Variants in PRKCA observed in about 807,000 individuals in gnomAD.
PRKCA encodes the protein protein kinase C alpha, also known as protein kinase C alpha type.
A neutral mutation model predicts 87.0 loss-of-function variants in PRKCA; 27 were observed. The ratio of observed to expected loss-of-function variants is 0.31; its 90% CI spans 0.23 to 0.43. The LOEUF is 0.43. Among genes scored for constraint, PRKCA ranks in the 20% least tolerant of loss-of-function variants. The pLI is 1.00. For missense variants in PRKCA, 518 were observed against 852.3 expected, an observed-to-expected ratio of 0.61 and a Z score of 4.88; for synonymous variants, 329 against 311.1, an observed-to-expected ratio of 1.06 and a Z score of -0.61.
chr17:66,774,827 A>G (rs903979553), intron 14 of PRKCA: 6 of 985,400 alleles, frequency 6.1e-6, no homozygotes, highest in African/African-American at 5.2e-5. Flanking sequence ...ATCTCCTCCT[A>G]TCTCACCCTT....
At chr17:66,564,830 A>G (rs1438037156) in intron 3 of PRKCA, among the ~76,000 whole-genome samples, 3 of 152,096 alleles carry the variant, frequency 2.0e-5, no homozygotes, top group Non-Finnish European at 4.4e-5. Flanking sequence ...AAATACAAAA[A>G]TTAGCCGGAC....
chr17:66,504,942 G>A (rs58769090), intron 3 of PRKCA, among the ~76,000 whole-genome samples: 1 of 152,154 alleles, frequency 6.6e-6, no homozygotes, highest in South Asian at 2.1e-4. Flanking sequence ...GTCCTGTCGG[G>A]ACCCCCCTCC....
rs375907563 is a variant in PRKCA, at chr17:66,341,771, T to C, written c.205+35644T>C. Among the ~76,000 whole-genome samples, 15 of 152,370 alleles carry C rather than the reference T, an allele frequency of 9.8e-5. No individual in the cohort carries two copies. The East Asian group carries it at 2.7e-3, about 27-fold the overall frequency. ...TTTACCCTGGTTATCTTTAGAATACTGTTTCTCTTTCATTTATGTGAATAA... is the reference window on the plus strand; with the variant it reads ...TTTACCCTGGTTATCTTTAGAATACCGTTTCTCTTTCATTTATGTGAATAA... On this transcript the variant is annotated intron_variant, in intron 2 of 16. Coordinates refer to ENST00000413366, the MANE Select transcript of PRKCA (RefSeq NM_002737.3).
At chr17:66,449,646 C>G (rs925650321) in intron 2 of PRKCA, among the ~76,000 whole-genome samples, 1 of 152,130 alleles carries the variant, frequency 6.6e-6, no homozygotes, top group Non-Finnish European at 1.5e-5. Flanking sequence ...TGAAGCTGTT[C>G]CTTCTATGAG....
At chr17:66,605,990 C>A (rs1030144654) in intron 3 of PRKCA, among the ~76,000 whole-genome samples, 4 of 152,108 alleles carry the variant, frequency 2.6e-5, no homozygotes, top group Non-Finnish European at 4.4e-5. Flanking sequence ...TTTGAGATGA[C>A]AAATTGTGAT....
chr17:66,585,483 C>T (rs1969565201), intron 3 of PRKCA, among the ~76,000 whole-genome samples: 1 of 152,244 alleles, frequency 6.6e-6, no homozygotes, highest in Non-Finnish European at 1.5e-5. Context: ...CCCTCGCTAA[C>T]TGCCTAAATA....
intron 2 of PRKCA, among the ~76,000 whole-genome samples, chr17:66,374,796 T>C (rs1160455117): frequency 3.3e-5 from 5 of 151,240 alleles, no homozygotes; most frequent in Non-Finnish European, 7.4e-5. Flanking sequence ...GGCTTGATCT[T>C]GGCTCACTGC....
rs544548261 is a variant in PRKCA, at chr17:66,512,506, C to T, written c.288+16223C>T. On this transcript the variant is annotated intron_variant, in intron 3 of 16. Transcript: ENST00000413366. ...TGTGTGTGTGTATTTCTTTCTTTCC[C>T]TTGGTCCACAAGGCCCATCATGATT... 7.2e-3 allele frequency among the ~76,000 whole-genome samples: 982 copies of T among 135,698 alleles called. 17 individuals are homozygous for T. The highest frequency in any genetic ancestry group is 0.024 in the African/African-American group (855 of 35,860). 89.0% of individuals were successfully genotyped at this position (135,698 alleles called of 152,430 possible). A position where few individuals can be genotyped will look rare whatever the true frequency, so the allele number is the denominator to read the frequency against.
chr17:66,586,112 A>G (rs1000142731), intron 3 of PRKCA, among the ~76,000 whole-genome samples: 5 of 152,182 alleles, frequency 3.3e-5, no homozygotes, highest in African/African-American at 1.2e-4. Context: ...AGGGACCTAT[A>G]TCTGTGGTTG....
At chr17:66,708,946 G>C (rs1973252747) in intron 8 of PRKCA, among the ~76,000 whole-genome samples, 1 of 152,196 alleles carries the variant, frequency 6.6e-6, no homozygotes, top group South Asian at 2.1e-4. Flanking sequence ...AAATGGATTT[G>C]TGATTACTGA....
intron 2 of PRKCA, among the ~76,000 whole-genome samples, chr17:66,397,058 C>G (rs1910729808): frequency 6.9e-6 from 1 of 144,436 alleles, no homozygotes; most frequent in Admixed American, 6.9e-5. Flanking sequence ...CTCTGCCTCC[C>G]AGGTTCAAGC....
chr17:66,412,036 G>A (rs1598650497), intron 2 of PRKCA, among the ~76,000 whole-genome samples: 2 of 144,744 alleles, frequency 1.4e-5, no homozygotes, highest in East Asian at 4.0e-4. Flanking sequence ...AATGGAACTA[G>A]CCACTATTTT....
At position 66,689,456 on chromosome 17, in the gene PRKCA, CT is replaced by C. The variant is rs931579883; in HGVS notation, c.918+418del. On this transcript the variant is annotated intron_variant, in intron 8 of 16. Transcript: ENST00000413366. This position sits in a 1 kb window ranked among gnomAD's most constrained non-coding sequence, Gnocchi z 4.1. ...TGTGTAATCAGGCTATCATCTGAGA[CT>C]TTTTTTTTCTACAGAAAGTACAAGG... Among the ~76,000 whole-genome samples, 3 of 151,736 alleles carry C rather than the reference CT, an allele frequency of 2.0e-5. No individual in the cohort carries two copies. The highest frequency in any genetic ancestry group is 2.1e-4 in the South Asian group (1 of 4,782).
intron 2 of PRKCA, among the ~76,000 whole-genome samples, chr17:66,417,197 GC>G (rs1912205546): frequency 2.0e-5 from 3 of 151,540 alleles, no homozygotes; most frequent in Admixed American, 6.6e-5. Flanking sequence ...ACCGTGCCCA[GC>G]CTGGCCTTTT....
chr17:66,455,515 A>G (rs963645580), intron 2 of PRKCA, among the ~76,000 whole-genome samples: 3 of 152,214 alleles, frequency 2.0e-5, no homozygotes, highest in South Asian at 2.1e-4. Context: ...TATCATTCCA[A>G]ATTTCTAAGG....
intron 16 of PRKCA, among the ~76,000 whole-genome samples, chr17:66,790,697 C>A (rs1975513579): frequency 6.6e-6 from 1 of 152,182 alleles, no homozygotes; most frequent in Admixed American, 6.5e-5. Flanking sequence ...CAGTCACTTT[C>A]CAGAAAGCGA....
intron 2 of PRKCA, among the ~76,000 whole-genome samples, chr17:66,344,521 C>A (rs549028848): frequency 2.5e-4 from 37 of 150,686 alleles, no homozygotes; most frequent in South Asian, 4.2e-4. Context: ...ACAACAACAA[C>A]AACAAAAAAA....
At chr17:66,641,023 T>A (rs759363488) in intron 3 of PRKCA, 9 of 308,432 alleles carry the variant, frequency 2.9e-5, no homozygotes, top group Non-Finnish European at 5.7e-5. Context: ...ACCCACATCG[T>A]GGTGGATGCC....
chr17:66,576,565 T>C (rs1188356974), intron 3 of PRKCA, among the ~76,000 whole-genome samples: 1 of 152,238 alleles, frequency 6.6e-6, no homozygotes, highest in Non-Finnish European at 1.5e-5. Context: ...GCTTGAGGAC[T>C]TTTTTCATGC....
Sources: gnomAD v4.1 joint callset for allele counts (sites outside exome capture counted in the v4.1 genomes callset) on GRCh38, gnomAD v4.1.1 for gene constraint, Gnocchi (gnomAD v3.1) non-coding constraint, MANE v1.5 for transcripts, NCBI Gene and HGNC (gene_info 2026-07-23, HGNC 2026-07-21) for gene names.